Variants in CDK14 observed in about 807,000 individuals in gnomAD.
The protein encoded by CDK14 is cyclin dependent kinase 14, also known as cyclin-dependent kinase 14.
CDK14 carries 34 observed loss-of-function variants against 60.7 expected under a neutral mutation model. The observed-to-expected ratio is 0.56, with a 90% CI of 0.43 to 0.75. CDK14 has a LOEUF of 0.75. CDK14 is among the 30% of genes least tolerant of loss of function. The pLI is 0.00. For missense variants in CDK14, 482 were observed against 564.1 expected (o/e 0.85, Z 1.47); for synonymous variants, 197 against 203.7 (o/e 0.97, Z 0.28).
At chr7:90,783,915 T>G (rs1805455650) in intron 4 of CDK14, among the ~76,000 whole-genome samples, 2 of 152,038 alleles carry the variant, frequency 1.3e-5, no homozygotes, top group Admixed American at 1.3e-4. Context: ...GCAGTCCCAC[T>G]CCTGGGTGTA....
At chr7:90,684,044 G>A (rs986436928) in intron 2 of CDK14, among the ~76,000 whole-genome samples, 2 of 152,078 alleles carry the variant, frequency 1.3e-5, no homozygotes, top group Non-Finnish European at 2.9e-5. Context: ...ATCCATCCCT[G>A]TAGAGGTTTT....
chr7:90,892,978 CTG>C (rs1792185186), intron 6 of CDK14, among the ~76,000 whole-genome samples: 1 of 152,078 alleles, frequency 6.6e-6, no homozygotes, highest in Admixed American at 6.6e-5. Flanking sequence ...TAGGTTTTCA[CTG>C]TGTTAGCCAG....
chr7:91,127,666 CTTCTT>C lies in CDK14; in HGVS notation c.*28+9461_*28+9465del, dbSNP rs896793790. 1.9e-4 allele frequency among the ~76,000 whole-genome samples: 28 copies of C among 150,896 alleles called. 2 individuals are homozygous for C. The highest frequency in any genetic ancestry group is 6.9e-4 in the African/African-American group (28 of 40,336). On this transcript the variant is annotated intron_variant, in intron 14 of 14. Transcript: ENST00000380050. ...TTTTGGTACAATGTTAAAATTTTAA[CTTCTT>C]TTTTTTTAAAGGAGAAGTTCTCCCA...
At chr7:91,034,046 G>A (rs73708229) in intron 10 of CDK14, among the ~76,000 whole-genome samples, 2,738 of 152,308 alleles carry the variant, frequency 0.018, 83 homozygotes, top group African/African-American at 0.062. Context: ...ATTTTCTGGA[G>A]TAATTTTAGA....
intron 2 of CDK14, among the ~76,000 whole-genome samples, chr7:90,617,767 G>A (rs1799684357): frequency 6.6e-6 from 1 of 152,086 alleles, no homozygotes. Flanking sequence ...GGATTGTTTG[G>A]TGAGATGTAA....
chr7:90,983,979 TAACA>T (rs2115642418), intron 9 of CDK14, among the ~76,000 whole-genome samples, 165 bp from the exon 10 acceptor site: 1 of 152,354 alleles, frequency 6.6e-6, no homozygotes, highest in Non-Finnish European at 1.5e-5. Context: ...TATACCCATG[TAACA>T]AACCTGCACG....
At position 90,692,412 on chromosome 7, in the gene CDK14, G is replaced by A. The variant is rs193223202; in HGVS notation, c.124-34155G>A. On this transcript the variant is annotated intron_variant, in intron 2 of 14. Transcript: ENST00000380050. The stretch of plus-strand genomic sequence containing the variant: ...AATATTTTTGAAATTCTGTTTTTGT[G>A]TTAATTAAAGAATTAGCTTATAAGC... Among the ~76,000 whole-genome samples the A allele has an allele frequency of 8.6e-3, 1,310 of 152,190 alleles. 10 individuals are homozygous for A. Among genetic ancestry groups the A allele is most frequent in the Non-Finnish European group, 0.012 (847 of 67,998 alleles).
rs557183557 is a variant in CDK14, at chr7:91,025,546, G to A, written c.1042-20351G>A. Among the ~76,000 whole-genome samples, 12 of 152,254 alleles carry A rather than the reference G, an allele frequency of 7.9e-5. No individual in the cohort carries two copies. The South Asian group carries it at 2.5e-3, about 32-fold the overall frequency. On this transcript the variant is annotated intron_variant, in intron 10 of 14. Coordinates refer to ENST00000380050, the MANE Select transcript of CDK14 (RefSeq NM_001287135.2). ...GATGAAAATGATGTTGATTGTTCTT[G>A]GACTCAAGTGTGGTACTTTAATGTA...
At chr7:91,176,756 C>G (rs911104638) in intron 14 of CDK14, among the ~76,000 whole-genome samples, 1 of 149,614 alleles carries the variant, frequency 6.7e-6, no homozygotes, top group African/African-American at 2.5e-5. Context: ...AAGACTAAAC[C>G]AGGAAAAAGT....
chr7:90,868,302 T>TACACAC (rs758911261), intron 6 of CDK14, among the ~76,000 whole-genome samples: 4 of 149,280 alleles, frequency 2.7e-5, no homozygotes, highest in Non-Finnish European at 4.4e-5. Flanking sequence ...TATATATATA[T>TACACAC]ACACACACAC....
chr7:91,086,383 A>G (rs1007978448), intron 12 of CDK14, among the ~76,000 whole-genome samples: 1 of 152,044 alleles, frequency 6.6e-6, no homozygotes, highest in African/African-American at 2.4e-5. Flanking sequence ...AAGTGTCTCT[A>G]TTCCTTTCTC....
chr7:90,895,727 ATTTTTT>A (rs35655255), intron 6 of CDK14, among the ~76,000 whole-genome samples: 1 of 105,032 alleles, frequency 9.5e-6, no homozygotes, highest in Non-Finnish European at 1.8e-5. Flanking sequence ...CACTTGGCTA[ATTTTTT>A]TTTTTTTTTT....
intron 14 of CDK14, among the ~76,000 whole-genome samples, chr7:91,154,737 C>G (rs1314440319): frequency 2.0e-5 from 3 of 152,018 alleles, no homozygotes; most frequent in Non-Finnish European, 4.4e-5. Context: ...CACATTCTAG[C>G]TGACGTTATT....
intron 2 of CDK14, among the ~76,000 whole-genome samples, chr7:90,645,916 G>C (rs1395936690): frequency 6.6e-6 from 1 of 152,202 alleles, no homozygotes; most frequent in Non-Finnish European, 1.5e-5. Flanking sequence ...CTTTTAAGCA[G>C]ATCACTGATC....
At chr7:91,033,495 A>G (rs1247800367) in intron 10 of CDK14, among the ~76,000 whole-genome samples, 1 of 152,244 alleles carries the variant, frequency 6.6e-6, no homozygotes, top group Admixed American at 6.5e-5. Flanking sequence ...AAACTTCAGT[A>G]TGCTTGTAAA....
intron 2 of CDK14, among the ~76,000 whole-genome samples, chr7:90,700,896 A>ATAC (rs1395289823): frequency 6.6e-6 from 1 of 152,142 alleles, no homozygotes; most frequent in African/African-American, 2.4e-5. Context: ...GTTCATCTTT[A>ATAC]TACCTCCTGT....
chr7:91,031,220 G>T (rs946602618), intron 10 of CDK14, among the ~76,000 whole-genome samples: 1 of 152,084 alleles, frequency 6.6e-6, no homozygotes, highest in Non-Finnish European at 1.5e-5. Flanking sequence ...TTTTATAGTG[G>T]TAAAGGGACA....
At chr7:90,880,678 C>G (rs111797040) in intron 6 of CDK14, among the ~76,000 whole-genome samples, 1 of 152,130 alleles carries the variant, frequency 6.6e-6, no homozygotes, top group Non-Finnish European at 1.5e-5. Context: ...AGTGGTCCTA[C>G]TGGCATCAGT....
chr7:90,965,728 G>A (rs1477087157), intron 9 of CDK14, among the ~76,000 whole-genome samples: 2 of 152,138 alleles, frequency 1.3e-5, no homozygotes, highest in African/African-American at 4.8e-5. Context: ...TTTTGAAAAC[G>A]CCTTTATTCT....
Sources: allele counts gnomAD v4.1 joint callset (sites outside exome capture counted in the v4.1 genomes callset), GRCh38; gene constraint gnomAD v4.1.1; transcripts MANE v1.5; gene names NCBI Gene and HGNC (gene_info 2026-07-23, HGNC 2026-07-21).